BANK1: variants seen among roughly 807,000 people sequenced by gnomAD.
BANK1 encodes B cell scaffold protein with ankyrin repeats 1, also known as B-cell scaffold protein with ankyrin repeats.
In BANK1, 95 loss-of-function variants were observed where a neutral mutation model predicts 94.5. The observed-to-expected ratio is 1.00, with a 90% confidence interval of 0.85 to 1.19. The LOEUF (loss-of-function observed/expected upper bound fraction) is 1.19. BANK1 is among the 50% of genes most tolerant of loss of function. The pLI, the probability that BANK1 is intolerant of heterozygous loss-of-function variation, is 0.00. For synonymous variants in BANK1, 334 were observed against 308.4 expected, an observed-to-expected ratio of 1.08 and a Z score of -0.87; for missense variants, 987 against 932.2, an observed-to-expected ratio of 1.06 and a Z score of -0.77.
chr4:102,068,376 A>C (rs1379797448), intron 13 of BANK1, among the ~76,000 whole-genome samples: 1 of 152,218 alleles, frequency 6.6e-6, no homozygotes, highest in Non-Finnish European at 1.5e-5. Context: ...CAAGAAAATA[A>C]AATCAAAAGT....
At chr4:102,014,922 G>A (rs1458371974) in intron 7 of BANK1, among the ~76,000 whole-genome samples, 1 of 152,096 alleles carries the variant, frequency 6.6e-6, no homozygotes, top group African/African-American at 2.4e-5. Flanking sequence ...ATCAAGGAAG[G>A]CAAATTCAGG....
intron 5 of BANK1, among the ~76,000 whole-genome samples, chr4:101,886,767 G>A (rs1728871701): frequency 1.4e-5 from 2 of 145,870 alleles, no homozygotes; most frequent in South Asian, 4.8e-4. Context: ...ATATTGGGGG[G>A]GGGGGCATGT....
intron 10 of BANK1, among the ~76,000 whole-genome samples, chr4:102,041,042 G>A (rs776579500): frequency 9.9e-5 from 15 of 151,906 alleles, no homozygotes; most frequent in East Asian, 3.8e-4. Flanking sequence ...ACAAATTCTC[G>A]TCTAACTAAC....
At chr4:101,877,537 G>A (rs1215944955) in intron 5 of BANK1, among the ~76,000 whole-genome samples, 2 of 152,098 alleles carry the variant, frequency 1.3e-5, no homozygotes, top group Non-Finnish European at 2.9e-5. Context: ...AGCAGGGGAT[G>A]AACTTAAGGT....
intron 1 of BANK1, among the ~76,000 whole-genome samples, chr4:101,802,163 T>G (rs750024194): frequency 2.0e-5 from 3 of 152,216 alleles, no homozygotes; most frequent in Non-Finnish European, 2.9e-5. Context: ...CCCTTCCCAC[T>G]TTCAGTATCA....
intron 5 of BANK1, among the ~76,000 whole-genome samples, chr4:101,883,211 C>T (rs1728738658): frequency 6.6e-6 from 1 of 152,124 alleles, no homozygotes; most frequent in Non-Finnish European, 1.5e-5. Flanking sequence ...ATTATATTCA[C>T]TTCAGTTACA....
chr4:101,798,163 C>A (rs1725223559), intron 1 of BANK1, among the ~76,000 whole-genome samples: 1 of 152,232 alleles, frequency 6.6e-6, no homozygotes, highest in African/African-American at 2.4e-5. Context: ...TACAGATGAC[C>A]TTAGAGAAGT....
intron 6 of BANK1, among the ~76,000 whole-genome samples, chr4:101,901,900 A>T (rs938262737): frequency 2.0e-5 from 3 of 152,072 alleles, no homozygotes; most frequent in Non-Finnish European, 4.4e-5. Flanking sequence ...AGCCGGGACT[A>T]CAGGCGCCCG....
At chr4:101,989,187 G>A (rs1725611619) in intron 7 of BANK1, among the ~76,000 whole-genome samples, 1 of 152,052 alleles carries the variant, frequency 6.6e-6, no homozygotes, top group South Asian at 2.1e-4. Flanking sequence ...GCTCATGCCT[G>A]TAATCCCAGC....
At chr4:101,890,141 T>A (rs532310065) in intron 5 of BANK1, among the ~76,000 whole-genome samples, 1 of 152,322 alleles carries the variant, frequency 6.6e-6, no homozygotes, top group South Asian at 2.1e-4. Context: ...CTGCTGTTAC[T>A]GGATGGAGTG....
chr4:101,987,330 A>T (rs905166386), intron 7 of BANK1, among the ~76,000 whole-genome samples: 3 of 152,134 alleles, frequency 2.0e-5, no homozygotes, highest in East Asian at 3.9e-4. Flanking sequence ...TGAGGTGGAC[A>T]TTAATACTAT....
chr4:101,907,880 A>G (rs1441689083), intron 6 of BANK1, among the ~76,000 whole-genome samples: 4 of 152,212 alleles, frequency 2.6e-5, no homozygotes, highest in Admixed American at 2.6e-4. Context: ...GGAGAACTAC[A>G]AACCACTGCT....
intron 7 of BANK1, among the ~76,000 whole-genome samples, chr4:101,956,123 G>A (rs1186074622): frequency 6.6e-6 from 1 of 151,990 alleles, no homozygotes; most frequent in Non-Finnish European, 1.5e-5. Context: ...AGTTTTCTAT[G>A]TGATCTTTTG....
At chr4:102,015,264 C>A (rs1397452796) in intron 7 of BANK1, among the ~76,000 whole-genome samples, 1 of 151,734 alleles carries the variant, frequency 6.6e-6, no homozygotes, top group Non-Finnish European at 1.5e-5. Context: ...TCTATCTATG[C>A]TTTTTTTGGT....
In BANK1 at chr4:101,991,940, A is replaced by G. The variant is rs540763270; in HGVS notation, c.1207-29574A>G. Among the ~76,000 whole-genome samples the G allele has an allele frequency of 8.9e-4, 135 of 152,298 alleles. 1 individual carries two copies. Among genetic ancestry groups the G allele is most frequent in the African/African-American group, 3.1e-3 (128 of 41,574 alleles). ...GAAATACTCACCACCACCTACAAAC[A>G]TGTAAAATTCTGCCTGAAGCCTGAG... On this transcript the variant is annotated intron_variant, in intron 7 of 16. Transcript: ENST00000322953.
intron 7 of BANK1, among the ~76,000 whole-genome samples, chr4:101,990,979 C>T (rs1725686686): frequency 6.6e-6 from 1 of 152,212 alleles, no homozygotes; most frequent in South Asian, 2.1e-4. Context: ...CTAATAATAG[C>T]TTCCATATGT....
chr4:101,864,579 T>C (rs1168933695), intron 4 of BANK1, among the ~76,000 whole-genome samples: 1 of 152,168 alleles, frequency 6.6e-6, no homozygotes, highest in Non-Finnish European at 1.5e-5. Context: ...GCAGGTGTGA[T>C]ACCTTTCCTC....
rs140125513 is a variant in BANK1 at position 101,898,116 on chromosome 4, C to T, written c.1009+2706C>T. On this transcript the variant is annotated intron_variant, in intron 6 of 16. Coordinates refer to ENST00000322953, the MANE Select transcript of BANK1 (RefSeq NM_017935.5). Reference sequence around the variant, plus strand: ...TAACAGAGCCAAAGAATCTCCATAACATTAAGCTCTAATTTCTAATTAAAA... The same window carrying T: ...TAACAGAGCCAAAGAATCTCCATAATATTAAGCTCTAATTTCTAATTAAAA... 7.6e-3 allele frequency among the ~76,000 whole-genome samples: 1,160 copies of T among 151,832 alleles called. 10 individuals carry two copies. Among genetic ancestry groups the T allele is most frequent in the African/African-American group, 0.027 (1,115 of 41,466 alleles).
Position 101,918,183 on chromosome 4 carries a change from CT to C in BANK1, c.1204del (p.Ser402GlnfsTer7). On this transcript the variant is annotated frameshift_variant, in exon 7 of 17. Coordinates refer to ENST00000322953, the MANE Select transcript of BANK1 (RefSeq NM_017935.5). LOFTEE classifies it high-confidence loss of function. ...HKELKKIFEDFSIQEIDINNE... is the reference protein window; with the variant it reads ...HKELKKIFEDXSIQEIDINNE... ...AAGAACTCAAGAAAATCTTCGAAGA[CT>C]TTTCAGTAAGTTTTTTTTTTAAATT... 1 of 1,558,106 alleles carries C rather than the reference CT, an allele frequency of 6.4e-7. No individual in the cohort carries two copies. Among genetic ancestry groups the C allele is most frequent in the Non-Finnish European group, 8.7e-7 (1 of 1,149,556 alleles).
Sources: gnomAD v4.1 joint callset for allele counts (sites outside exome capture counted in the v4.1 genomes callset) on GRCh38, gnomAD v4.1.1 for gene constraint, MANE v1.5 for transcripts, NCBI Gene and HGNC (gene_info 2026-07-23, HGNC 2026-07-21) for gene names.